The following FRAS1 variants were observed in gnomAD, a reference collection of about 807,000 sequenced individuals.
The protein encoded by FRAS1 is extracellular matrix organizing protein FRAS1.
Under a neutral mutation model 435.2 loss-of-function variants are expected in FRAS1, and 290 were observed. That is an observed-to-expected ratio of 0.67 (90% CI 0.61 to 0.73). FRAS1 has a LOEUF of 0.73. Among genes scored for constraint, FRAS1 ranks in the 30% least tolerant of loss-of-function variants. The pLI, the probability that FRAS1 is intolerant of heterozygous loss-of-function variation, is 0.00. For missense variants in FRAS1, 4,860 were observed against 5,001.5 expected, an observed-to-expected ratio of 0.97 and a Z score of 0.85; for synonymous variants, 1,800 against 1,851.0, an observed-to-expected ratio of 0.97 and a Z score of 0.71.
chr4:78,508,807 A>G lies in FRAS1; in HGVS notation c.9581A>G (p.Tyr3194Cys), dbSNP rs1720931453. 1.2e-6 allele frequency: 2 copies of G among 1,613,646 alleles called. No individual in the cohort carries two copies. Among genetic ancestry groups the G allele is most frequent in the Non-Finnish European group, 1.7e-6 (2 of 1,179,768 alleles). Residue 3194 changes from tyrosine to cysteine, a missense_variant, in exon 63 of 74, where the codon TAC becomes TGC. Coordinates refer to ENST00000512123, the MANE Select transcript of FRAS1 (RefSeq NM_025074.7). ...EGVKKSPSPGYPLVCVTPCDP... is the reference protein window; with the variant it reads ...EGVKKSPSPGCPLVCVTPCDP... ...GTCAAGAAATCCCCCTCCCCAGGCT[A>G]CCCACTGGTCTGTGTCACCCCCTGC...
At chr4:78,321,185 C>T (rs1285757530) in intron 18 of FRAS1, among the ~76,000 whole-genome samples, 1 of 152,178 alleles carries the variant, frequency 6.6e-6, no homozygotes, top group African/African-American at 2.4e-5. Context: ...TGAGAAGTGC[C>T]TTACTAGTTT....
intron 23 of FRAS1, 107 bp downstream of exon 23, chr4:78,370,091 G>A: frequency 9.7e-7 from 1 of 1,035,666 alleles, no homozygotes; most frequent in Non-Finnish European, 1.4e-6. Context: ...CATATATTTT[G>A]ACTGTCTCTG....
At chr4:78,534,712 GT>G in intron 71 of FRAS1, 97 bp downstream of exon 71, 1 of 1,124,372 alleles carries the variant, frequency 8.9e-7, no homozygotes, top group Non-Finnish European at 1.3e-6. Flanking sequence ...TATGCTCTCA[GT>G]CACCACCCCA....
chr4:78,407,333 C>A (rs1733140456), intron 30 of FRAS1, among the ~76,000 whole-genome samples: 1 of 152,074 alleles, frequency 6.6e-6, no homozygotes, highest in Non-Finnish European at 1.5e-5. Flanking sequence ...CATTCAATGC[C>A]CAGTATTTGA....
intron 71 of FRAS1, among the ~76,000 whole-genome samples, chr4:78,535,413 T>C (rs1209043550): frequency 6.6e-6 from 1 of 152,210 alleles, no homozygotes; most frequent in Admixed American, 6.5e-5. Flanking sequence ...GATATGAAAC[T>C]ACTGAAGCTC....
At chr4:78,490,574 T>A (rs1031520839) in intron 59 of FRAS1, among the ~76,000 whole-genome samples, 2 of 152,082 alleles carry the variant, frequency 1.3e-5, no homozygotes, top group Admixed American at 6.6e-5. Context: ...ATAACAAAAT[T>A]AAGGCAGAAA....
intron 58 of FRAS1, among the ~76,000 whole-genome samples, chr4:78,486,672 C>T (rs1348627800): frequency 6.6e-6 from 1 of 152,120 alleles, no homozygotes; most frequent in African/African-American, 2.4e-5. Flanking sequence ...TGACTTACAA[C>T]ATAAATCCCC....
At chr4:78,216,931 G>A (rs1723793005) in intron 2 of FRAS1, among the ~76,000 whole-genome samples, 1 of 152,092 alleles carries the variant, frequency 6.6e-6, no homozygotes, top group African/African-American at 2.4e-5. Context: ...GACACGTAGG[G>A]GATAAGACTG....
At chr4:78,124,238 C>A (rs1255444258) in intron 2 of FRAS1, among the ~76,000 whole-genome samples, 1 of 152,048 alleles carries the variant, frequency 6.6e-6, no homozygotes, top group Non-Finnish European at 1.5e-5. Context: ...AATCATGTGG[C>A]TTTTGTCATT....
chr4:78,096,368 G>A (rs556119323), intron 2 of FRAS1, among the ~76,000 whole-genome samples: 20 of 152,250 alleles, frequency 1.3e-4, no homozygotes, highest in African/African-American at 4.8e-4. Context: ...CTACCATTCC[G>A]GGGTCTGGAG....
At chr4:78,284,304 C>A in intron 12 of FRAS1, 101 bp from the exon 13 acceptor site, 15 of 730,382 alleles carry the variant, frequency 2.1e-5, no homozygotes, top group East Asian at 7.8e-5. Context: ...TCTTCATGTT[C>A]TATGTAATGC....
chr4:78,135,542 G>A lies in FRAS1; in HGVS notation c.108+69526G>A, dbSNP rs75903564. On this transcript the variant is annotated intron_variant, in intron 2 of 73. Coordinates refer to ENST00000512123, the MANE Select transcript of FRAS1 (RefSeq NM_025074.7). The stretch of plus-strand genomic sequence containing the variant: ...TAAGCATAAGAGGGATGGAGGAAAG[G>A]CATTTCAGGAGACACTCACATTCCT... Among the ~76,000 whole-genome samples, 17 of 152,330 alleles carry A rather than the reference G, an allele frequency of 1.1e-4. No individual in the cohort carries two copies. The East Asian group carries it at 3.1e-3, about 28-fold the overall frequency.
intron 9 of FRAS1, among the ~76,000 whole-genome samples, chr4:78,276,926 AG>A (rs1360858338): frequency 6.6e-6 from 1 of 152,174 alleles, no homozygotes; most frequent in Non-Finnish European, 1.5e-5. Flanking sequence ...GAGTCTACAG[AG>A]GTAGGCAGGC....
rs1553918819 is a variant in FRAS1, at chr4:78,098,276, C to CTTTTCT, written c.108+32264_108+32265insCTTTTT. 4.5e-5 allele frequency among the ~76,000 whole-genome samples: 6 copies of CTTTTCT among 132,768 alleles called. No individual in the cohort carries two copies. The East Asian group carries it at 6.5e-4, about 14-fold the overall frequency. 87.1% of individuals were successfully genotyped at this position (132,768 alleles called of 152,430 possible). ...ATGTGGGGGTTAGGATAGATCTTTT[C>CTTTTCT]TTTTTTTTTTTTTTTTGGACAGAGT... On this transcript the variant is annotated intron_variant, in intron 2 of 73. Transcript: ENST00000512123.
intron 2 of FRAS1, among the ~76,000 whole-genome samples, chr4:78,211,699 G>A (rs1723510172): frequency 6.6e-6 from 1 of 152,146 alleles, no homozygotes; most frequent in Non-Finnish European, 1.5e-5. Context: ...AAAAATTGTT[G>A]TAATATATGT....
At chr4:78,532,075 C>T (rs1721733468) in intron 70 of FRAS1, among the ~76,000 whole-genome samples, 1 of 152,160 alleles carries the variant, frequency 6.6e-6, no homozygotes, top group South Asian at 2.1e-4. Context: ...ACAGCAAACC[C>T]CTCACTTTTT....
chr4:78,179,116 C>T (rs1560565879), intron 2 of FRAS1, among the ~76,000 whole-genome samples: 1 of 152,162 alleles, frequency 6.6e-6, no homozygotes, highest in African/African-American at 2.4e-5. Flanking sequence ...TGAAGTATTC[C>T]TTTTGTTTCT....
intron 29 of FRAS1, among the ~76,000 whole-genome samples, chr4:78,394,823 T>G (rs1485922099): frequency 6.6e-6 from 1 of 152,088 alleles, no homozygotes; most frequent in Non-Finnish European, 1.5e-5. Context: ...ATATTAATTC[T>G]TCCAATTTAT....
intron 59 of FRAS1, among the ~76,000 whole-genome samples, chr4:78,492,806 T>G (rs1014945630): frequency 6.6e-6 from 1 of 152,032 alleles, no homozygotes; most frequent in Non-Finnish European, 1.5e-5. Flanking sequence ...AATTGACAAA[T>G]GGGATCTAAT....
Sources: allele counts gnomAD v4.1 joint callset (sites outside exome capture counted in the v4.1 genomes callset), GRCh38; gene constraint gnomAD v4.1.1; transcripts MANE v1.5; gene names NCBI Gene and HGNC (gene_info 2026-07-23, HGNC 2026-07-21).